DISC1: variants seen among roughly 807,000 people sequenced by gnomAD.
DISC1 encodes the protein disrupted in schizophrenia 1 protein.
DISC1 carries 57 observed loss-of-function variants against 84.5 expected under a neutral mutation model. That is an observed-to-expected ratio of 0.67 (90% CI 0.55 to 0.84). DISC1 has a LOEUF of 0.84. Among genes scored for constraint, DISC1 ranks in the 40% least tolerant of loss-of-function variants. The pLI is 0.00. For synonymous variants in DISC1, 411 were observed against 415.2 expected, an observed-to-expected ratio of 0.99 and a Z score of 0.12; for missense variants, 1,000 against 1,057.8, an observed-to-expected ratio of 0.95 and a Z score of 0.76.
chr1:231,818,178 C>T (rs1192695674), intron 8 of DISC1, 151 bp from the exon 9 acceptor site: 2 of 812,276 alleles, frequency 2.5e-6, no homozygotes, highest in East Asian at 2.5e-5. Context: ...CAGGTTCTTT[C>T]CCCAGAGGAC....
At chr1:231,665,295 T>G (rs556383699) in intron 1 of DISC1, among the ~76,000 whole-genome samples, 1 of 149,130 alleles carries the variant, frequency 6.7e-6, no homozygotes, top group South Asian at 2.1e-4. Context: ...AGTTATCTCT[T>G]TCAGTTCTCA....
Position 231,649,835 on chromosome 1 carries a change from CT to C in DISC1, c.67+22904del, listed in dbSNP as rs560276709. Among the ~76,000 whole-genome samples, 137 of 152,214 alleles carry C rather than the reference CT, an allele frequency of 9.0e-4. 1 individual carries two copies. Among genetic ancestry groups the C allele is most frequent in the African/African-American group, 3.1e-3 (130 of 41,530 alleles). ...AATGGCCTTCTTTGTCTCTTTTGAT[CT>C]TTGCTGGTTTAAAGTCTGTTTTATC... On this transcript the variant is annotated intron_variant, in intron 1 of 12. Coordinates refer to ENST00000439617, the MANE Select transcript of DISC1 (RefSeq NM_018662.3).
intron 3 of DISC1, among the ~76,000 whole-genome samples, chr1:231,717,719 A>G (rs1031824861): frequency 1.3e-5 from 2 of 152,048 alleles, no homozygotes; most frequent in Admixed American, 6.5e-5. Context: ...CAATAATTCT[A>G]TGTGTTGTAT....
At chr1:231,880,076 G>T (rs2086185361) in intron 9 of DISC1, among the ~76,000 whole-genome samples, 1 of 152,226 alleles carries the variant, frequency 6.6e-6, no homozygotes, top group East Asian at 1.9e-4. Flanking sequence ...GATCATGAGT[G>T]CTTTGCTTTT....
intron 3 of DISC1, among the ~76,000 whole-genome samples, chr1:231,744,117 A>G (rs762540804): frequency 6.6e-6 from 1 of 152,258 alleles, no homozygotes; most frequent in African/African-American, 2.4e-5. Flanking sequence ...ATAGAGCCAT[A>G]AGAACATAAA....
intron 9 of DISC1, among the ~76,000 whole-genome samples, chr1:231,888,332 G>C (rs2125998310): frequency 6.6e-6 from 1 of 152,246 alleles, no homozygotes; most frequent in Admixed American, 6.5e-5. Flanking sequence ...AGGTACCATG[G>C]ATGCAGGAGT....
intron 12 of DISC1, among the ~76,000 whole-genome samples, chr1:232,032,345 A>G (rs564963998): frequency 6.6e-6 from 1 of 152,344 alleles, no homozygotes; most frequent in South Asian, 2.1e-4. Flanking sequence ...GACTCCATCT[A>G]AAGAATTCCA....
chr1:231,693,912 C>T lies in DISC1; in HGVS notation c.154C>T (p.Pro52Ser), dbSNP rs370600083. 3 of 1,614,190 alleles carry T rather than the reference C, an allele frequency of 1.9e-6. No homozygotes were observed. Among genetic ancestry groups the T allele is most frequent in the Middle Eastern group, 1.7e-4 (1 of 6,058 alleles). Residue 52 changes from proline (P) to serine (S), a missense_variant, in exon 2 of 13, where the codon CCT (proline) becomes TCT (serine). Pro to Ser is a moderately conservative substitution (Grantham distance 74, BLOSUM62 -1). This residue lies in a region of DISC1 where 292 missense variants were observed against 280.2 expected (regional missense o/e 1.04). Coordinates refer to ENST00000439617, the MANE Select transcript of DISC1 (RefSeq NM_018662.3). ...GGGCTACATGAGAAGCTCGACAGGG[C>T]CTGGGATCGGGTTCCTTTCCCCAGC... ...RPGYMRSSTG[P>S]GIGFLSPAVG...
chr1:231,657,028 G>T (rs1289060319), intron 1 of DISC1, among the ~76,000 whole-genome samples: 1 of 152,114 alleles, frequency 6.6e-6, no homozygotes, highest in Admixed American at 6.5e-5. Context: ...TATTTATCCA[G>T]TCCATCATTG....
At chr1:231,916,842 C>G (rs1652107891) in intron 9 of DISC1, among the ~76,000 whole-genome samples, 1 of 152,150 alleles carries the variant, frequency 6.6e-6, no homozygotes, top group South Asian at 2.1e-4. Context: ...CCTGGCCAAG[C>G]ACTGTCATTT....
chr1:231,942,490 C>A (rs2091409157), intron 9 of DISC1, among the ~76,000 whole-genome samples: 1 of 152,082 alleles, frequency 6.6e-6, no homozygotes, highest in Non-Finnish European at 1.5e-5. Flanking sequence ...TATGGTGAAA[C>A]CCCGTCTCTA....
At chr1:231,689,193 T>C (rs546868993) in intron 1 of DISC1, among the ~76,000 whole-genome samples, 28 of 152,364 alleles carry the variant, frequency 1.8e-4, no homozygotes, top group Middle Eastern at 3.4e-3. Flanking sequence ...AGTCATGTTT[T>C]GTAAAGTCGT....
intron 1 of DISC1, among the ~76,000 whole-genome samples, chr1:231,668,217 A>AT (rs1333539106): frequency 3.3e-5 from 5 of 151,878 alleles, no homozygotes; most frequent in Admixed American, 6.6e-5. Flanking sequence ...ACTATGATTA[A>AT]TTTTTTTTGG....
At chr1:231,650,761 C>A (rs569709176) in intron 1 of DISC1, among the ~76,000 whole-genome samples, 2 of 152,114 alleles carry the variant, frequency 1.3e-5, no homozygotes, top group African/African-American at 4.8e-5. Context: ...TTATTTGTTT[C>A]TTTTTACTCT....
At chr1:231,789,413 A>C (rs116500382) in intron 6 of DISC1, among the ~76,000 whole-genome samples, 2 of 152,218 alleles carry the variant, frequency 1.3e-5, no homozygotes, top group Non-Finnish European at 2.9e-5. Flanking sequence ...GGCTCGACTC[A>C]GGTGTGATGG....
intron 9 of DISC1, among the ~76,000 whole-genome samples, chr1:231,842,316 G>A (rs1427688983): frequency 2.0e-5 from 3 of 152,130 alleles, no homozygotes; most frequent in African/African-American, 7.2e-5. Flanking sequence ...CAGCCTTTTC[G>A]AGGCTATTAG....
At chr1:231,937,648 G>A (rs1219818856) in intron 9 of DISC1, among the ~76,000 whole-genome samples, 5 of 152,120 alleles carry the variant, frequency 3.3e-5, no homozygotes, top group African/African-American at 9.7e-5. Context: ...GTGTGGAGGC[G>A]GGTGGATGGG....
intron 3 of DISC1, among the ~76,000 whole-genome samples, chr1:231,733,153 G>A (rs2071819814): frequency 1.0e-5 from 1 of 97,144 alleles, no homozygotes; most frequent in Admixed American, 1.1e-4. Flanking sequence ...AGGAGTGATG[G>A]TGGTGATGGT....
At chr1:231,797,703 C>A (rs984164562) in intron 7 of DISC1, among the ~76,000 whole-genome samples, 1 of 152,132 alleles carries the variant, frequency 6.6e-6, no homozygotes, top group African/African-American at 2.4e-5. Flanking sequence ...AAAAAAACAT[C>A]TCCAACCATT....
Sources: allele counts gnomAD v4.1 joint callset (sites outside exome capture counted in the v4.1 genomes callset), GRCh38; gene constraint gnomAD v4.1.1; regional missense constraint gnomAD v4.1.1; transcripts MANE v1.5; gene names NCBI Gene and HGNC (gene_info 2026-07-23, HGNC 2026-07-21).